TIMM44: variants seen among roughly 807,000 people sequenced by gnomAD.
TIMM44 encodes mitochondrial import inner membrane translocase subunit TIM44.
TIMM44 carries 37 observed loss-of-function variants against 63.8 expected under a neutral mutation model. That is an observed-to-expected ratio of 0.58 (90% CI 0.45 to 0.76). The LOEUF is 0.76. Among genes scored for constraint, TIMM44 ranks in the 30% least tolerant of loss-of-function variants. The probability of loss-of-function intolerance (pLI) is 0.00; values close to 1 mark genes in which losing one functional copy is unlikely to be tolerated. For synonymous variants in TIMM44, 239 were observed against 245.1 expected (o/e 0.98, Z 0.23); for missense variants, 573 against 603.8 (o/e 0.95, Z 0.54).
At chr19:7,928,469 C>T in intron 10 of TIMM44, 1 of 430,266 alleles carries the variant, frequency 2.3e-6, no homozygotes, top group Non-Finnish European at 4.2e-6. Flanking sequence ...AAGCTGGCGG[C>T]CCCTTGGCTG....
intron 3 of TIMM44, among the ~76,000 whole-genome samples, chr19:7,936,754 G>A (rs1015684685): frequency 3.3e-5 from 5 of 152,138 alleles, no homozygotes; most frequent in African/African-American, 1.2e-4. Context: ...GATCACTTGA[G>A]GCCAGGAGTT....
At chr19:7,931,298 C>A (rs924302695) in intron 9 of TIMM44, 110 bp from the exon 10 acceptor site, 8 of 990,108 alleles carry the variant, frequency 8.1e-6, no homozygotes, top group Admixed American at 6.9e-5. Flanking sequence ...TCCTCAGACA[C>A]CCCCGGCTGC....
In TIMM44 at chr19:7,932,710, C is replaced by T. The variant is rs1984020736; in HGVS notation, c.904G>A (p.Glu302Lys). ...AAGGCCGGGTCCACCCGGAGGATCT[C>T]CGTGAGCACCTCCGACATCTCTGTC... ...SKTEMSEVLT[E>K]ILRVDPAFDK... The change falls in exon 9 of 13, where the codon GAG becomes AAG. Residue 302 changes from glutamate to lysine, a missense_variant. By Grantham distance (56) the Glu-to-Lys change is moderately conservative. Transcript: ENST00000270538. 1 of 1,614,040 alleles carries T rather than the reference C, an allele frequency of 6.2e-7. No individual in the cohort carries two copies. The highest frequency in any genetic ancestry group is 1.7e-5 in the Admixed American group (1 of 60,014).
Position 7,933,672 on chromosome 19 carries a change from A to T in TIMM44, c.684-102T>A, listed in dbSNP as rs1984052393. Reference sequence around the variant, plus strand: ...GGCAGTACAGGACAGCAGGCAGCTGAGACCTCAAACCTAGGGGCTCTGAGG... The same window carrying T: ...GGCAGTACAGGACAGCAGGCAGCTGTGACCTCAAACCTAGGGGCTCTGAGG... On this transcript the variant is annotated intron_variant, in intron 6 of 12. Transcript: ENST00000270538. The surrounding 1 kb of genome is among the most constrained non-coding windows in gnomAD (Gnocchi z 4.3). 3.8e-6 allele frequency: 5 copies of T among 1,312,328 alleles called. No homozygotes were observed. In the South Asian group the frequency reaches 5.9e-5, roughly 16 times the overall value. 81.3% of individuals were successfully genotyped at this position (1,312,328 alleles called of 1,614,324 possible).
chr19:7,941,018 GC>G, intron 2 of TIMM44, 83 bp downstream of exon 2: 5 of 1,122,778 alleles, frequency 4.5e-6, no homozygotes, highest in Non-Finnish European at 6.7e-6. Context: ...CACCTCTACA[GC>G]CCCACCCCTC....
rs779257485 is a variant in TIMM44, at chr19:7,932,946, G to A, written c.770-14C>T. On this transcript the variant is annotated splice_polypyrimidine_tract_variant and intron_variant, in intron 7 of 12. Transcript: ENST00000270538. ...TCTCGAAGAACCCTGTGGAAGATGG[G>A]GTAGGTGCTGGAGAAGGGGCCCCTT... is the stretch of plus-strand genomic sequence containing the variant. The A allele has an allele frequency of 1.5e-5, 24 of 1,609,742 alleles. No homozygotes were observed. The highest frequency in any genetic ancestry group is 1.2e-4 in the African/African-American group (9 of 74,820).
At position 7,935,076 on chromosome 19, in the gene TIMM44, T is replaced by C; in HGVS notation, c.382A>G (p.Thr128Ala). 2 of 1,611,346 alleles carry C rather than the reference T, an allele frequency of 1.2e-6. No individual in the cohort carries two copies. The highest frequency in any genetic ancestry group is 8.5e-7 in the Non-Finnish European group (1 of 1,178,570). ...LRKKLGELTG[T>A]VKESLHEVSK... ...CGTGGAACTGTTACCTCCTTCACGG[T>C]GCCCGTCAGCTCCCCAAGCTTCTTC... The change falls in exon 4 of 13, where the codon ACC becomes GCC. Residue 128 changes from threonine to alanine, a missense_variant. By Grantham distance (58) the Thr-to-Ala change is moderately conservative. Coordinates refer to ENST00000270538, the MANE Select transcript of TIMM44 (RefSeq NM_006351.4).
chr19:7,938,294 CT>C, intron 2 of TIMM44, 97 bp from the exon 3 acceptor site: 1 of 938,938 alleles, frequency 1.1e-6, no homozygotes. Flanking sequence ...TAAATGTTCT[CT>C]TTTCGGTTGA....
At position 7,927,749 on chromosome 19, in the gene TIMM44, T is replaced by A; in HGVS notation, c.1147A>T (p.Met383Leu). 6.2e-7 allele frequency: 1 copy of A among 1,612,048 alleles called. No homozygotes were observed. The highest frequency in any genetic ancestry group is 8.5e-7 in the Non-Finnish European group (1 of 1,180,000). ...DNVDLAMGKM[M>L]EQGPVLIITF... ...ATGATCAGCACCGGCCCCTGCTCCA[T>A]CATCTTGCCCATGGCCAGCTGCAGA... The change falls in exon 12 of 13, where the codon ATG becomes TTG. Residue 383 changes from methionine (M) to leucine (L), a missense_variant. Coordinates refer to ENST00000270538, the MANE Select transcript of TIMM44 (RefSeq NM_006351.4).
At position 7,934,940 on chromosome 19, in the gene TIMM44, A is replaced by T; in HGVS notation, c.393+125T>A. The T allele has an allele frequency of 1.2e-6, 1 of 839,024 alleles. No individual in the cohort carries two copies. The highest frequency in any genetic ancestry group is 2.0e-6 in the Non-Finnish European group (1 of 505,468). 52.0% of individuals were successfully genotyped at this position (839,024 alleles called of 1,614,324 possible). On this transcript the variant is annotated intron_variant, in intron 4 of 12. Transcript: ENST00000270538. The surrounding 1 kb of genome is among the most constrained non-coding windows in gnomAD (Gnocchi z 5.3). ...CTCCTGAAACCTTCCCGAGGGTGGC[A>T]GCACGCCCCATGCCACCCACTGCTG...
intron 2 of TIMM44, among the ~76,000 whole-genome samples, chr19:7,939,118 G>A (rs1984232345): frequency 1.3e-5 from 2 of 151,960 alleles, no homozygotes; most frequent in African/African-American, 4.8e-5. Context: ...CCACCAAGAG[G>A]GAACCGGAAG....
chr19:7,933,187 G>C lies in TIMM44; in HGVS notation c.770-255C>G, dbSNP rs1465217880. Among the ~76,000 whole-genome samples, 1 of 152,162 alleles carries C rather than the reference G, an allele frequency of 6.6e-6. No individual in the cohort carries two copies. The highest frequency in any genetic ancestry group is 2.4e-5 in the African/African-American group (1 of 41,450). On this transcript the variant is annotated intron_variant, in intron 7 of 12. Coordinates refer to ENST00000270538, the MANE Select transcript of TIMM44 (RefSeq NM_006351.4). The surrounding 1 kb of genome is among the most constrained non-coding windows in gnomAD (Gnocchi z 4.3). ...GTAAGTTATGGGCCGCCACCCCACT[G>C]GCTGTTGCTTTCACTACAAAGGAAA...
chr19:7,939,155 T>C (rs554935424), intron 2 of TIMM44, among the ~76,000 whole-genome samples: 1 of 151,964 alleles, frequency 6.6e-6, no homozygotes, highest in Non-Finnish European at 1.5e-5. Context: ...TTAATAATAA[T>C]GTATCAACAT....
chr19:7,932,510 A>G, intron 9 of TIMM44, 117 bp downstream of exon 9: 1 of 1,461,340 alleles, frequency 6.8e-7, no homozygotes, highest in Middle Eastern at 2.5e-4. Context: ...CAGCCTCCTC[A>G]GAAAACAGCC....
At chr19:7,928,216 CA>C in intron 10 of TIMM44, 50 bp from the exon 11 acceptor site, 1 of 1,500,992 alleles carries the variant, frequency 6.7e-7, no homozygotes, top group Non-Finnish European at 9.2e-7. Context: ...GGGTGGGCAC[CA>C]CGCCACACAG....
At position 7,943,654 on chromosome 19, in the gene TIMM44, T is replaced by G; in HGVS notation, c.-3A>C. The stretch of plus-strand genomic sequence containing the variant: ...CTCCGCAGGGCCGCCGCCGCCATGT[T>G]GGAGAATCGTGTGACCTTCTCGCGG... On this transcript the variant is annotated 5_prime_UTR_variant, in exon 1 of 13. Transcript: ENST00000270538. This position sits in a 1 kb window ranked among gnomAD's most constrained non-coding sequence, Gnocchi z 4.3. 6.4e-7 allele frequency: 1 copy of G among 1,563,624 alleles called. No homozygotes were observed. The highest frequency in any genetic ancestry group is 8.6e-7 in the Non-Finnish European group (1 of 1,161,530).
chr19:7,927,367 G>T (rs538337681), intron 12 of TIMM44, 61 bp from the exon 13 acceptor site: 9 of 1,590,050 alleles, frequency 5.7e-6, no homozygotes, highest in Admixed American at 1.7e-5. Context: ...GCAGCTCTGG[G>T]GGGGGGCCAG....
Position 7,934,238 on chromosome 19 carries a change from TCTA to T in TIMM44, c.394-3_394-1del, listed in dbSNP as rs1387486671. On this transcript the variant is annotated splice_acceptor_variant and splice_polypyrimidine_tract_variant and intron_variant, in intron 4 of 12. Transcript: ENST00000270538. LOFTEE classifies it high-confidence loss of function. The surrounding 1 kb of genome is among the most constrained non-coding windows in gnomAD (Gnocchi z 5.3). ...TCACTTTTACTGACTTCGTGAAGGC[TCTA>T]CTGAGACAGACACAGAGAGGGGGCG... 9 of 1,611,670 alleles carry T rather than the reference TCTA, an allele frequency of 5.6e-6. No individual in the cohort carries two copies. Among genetic ancestry groups the T allele is most frequent in the East Asian group, 2.2e-5 (1 of 44,874 alleles).
At position 7,926,786 on chromosome 19, in the gene TIMM44, GTTAAAA is replaced by G. The variant is rs1419972674; in HGVS notation, c.*395_*400del. ...CTTATGCACAAGATGGAAGAGCACT[GTTAAAA>G]TTAAAAAATGGACCTAAAGTGGCTT... On this transcript the variant is annotated 3_prime_UTR_variant, in exon 13 of 13. Coordinates refer to ENST00000270538, the MANE Select transcript of TIMM44 (RefSeq NM_006351.4). 1.0e-5 allele frequency: 3 copies of G among 300,136 alleles called. No homozygotes were observed. The highest frequency in any genetic ancestry group is 4.4e-5 in the African/African-American group (2 of 45,976). 18.6% of individuals were successfully genotyped at this position (300,136 alleles called of 1,614,324 possible). A position where few individuals can be genotyped will look rare whatever the true frequency, so the allele number is the denominator to read the frequency against.
Sources: gnomAD v4.1 joint callset for allele counts (sites outside exome capture counted in the v4.1 genomes callset) on GRCh38, gnomAD v4.1.1 for gene constraint, Gnocchi (gnomAD v3.1) non-coding constraint, MANE v1.5 for transcripts, NCBI Gene and HGNC (gene_info 2026-07-23, HGNC 2026-07-21) for gene names.